Variants in SLC30A7 observed in about 807,000 individuals in gnomAD.
The protein encoded by SLC30A7 is zinc transporter 7.
Under a neutral mutation model 46.0 loss-of-function variants are expected in SLC30A7, and 35 were observed. The observed-to-expected ratio is 0.76, with a 90% confidence interval of 0.58 to 1.01. The LOEUF (loss-of-function observed/expected upper bound fraction) is 1.01, where lower values mean the gene tolerates loss of function less well. Ranked by LOEUF, SLC30A7 falls within the 50% of genes least tolerant of loss-of-function variation. SLC30A7 has a pLI of 0.00. For missense variants in SLC30A7, 464 were observed against 451.1 expected, an observed-to-expected ratio of 1.03 and a Z score of -0.26; for synonymous variants, 147 against 157.8, an observed-to-expected ratio of 0.93 and a Z score of 0.51.
chr1:100,897,460 C>G (rs891695670), intron 2 of SLC30A7, among the ~76,000 whole-genome samples: 3 of 152,144 alleles, frequency 2.0e-5, no homozygotes, highest in Admixed American at 1.3e-4. Context: ...CATACTCCTT[C>G]AAAAATCTGA....
chr1:100,912,244 A>G lies in SLC30A7; in HGVS notation c.511+6A>G, dbSNP rs372869511. ...TGGACATTCTCATGGCTCTGGTATG[A>G]TGGTTAGGACACTTTGTTTCTTCAT... On this transcript the variant is annotated splice_donor_region_variant and intron_variant, in intron 5 of 10. Transcript: ENST00000357650. The G allele has an allele frequency of 1.9e-5, 31 of 1,612,712 alleles. No individual in the cohort carries two copies. The African/African-American group carries it at 3.9e-4, about 20-fold the overall frequency.
chr1:100,896,353 C>T lies in SLC30A7; in HGVS notation c.80+11C>T. ...CTCGGGCTGGTTTAGGTGCGGGGTG[C>T]TGTGTTTGCGGGGAGGGGGTGTCCG... On this transcript the variant is annotated intron_variant, in intron 1 of 10. Coordinates refer to ENST00000357650, the MANE Select transcript of SLC30A7 (RefSeq NM_133496.5). 1.2e-6 allele frequency: 2 copies of T among 1,614,004 alleles called. No individual in the cohort carries two copies. The highest frequency in any genetic ancestry group is 1.1e-5 in the South Asian group (1 of 91,072).
intron 9 of SLC30A7, among the ~76,000 whole-genome samples, chr1:100,964,389 A>G (rs994107097): frequency 7.7e-5 from 10 of 129,944 alleles, no homozygotes; most frequent in Non-Finnish European, 1.1e-4. Context: ...ATGTTATATA[A>G]CCTATATATG....
chr1:100,941,779 A>T, intron 8 of SLC30A7: 1 of 617,690 alleles, frequency 1.6e-6, no homozygotes, highest in South Asian at 1.4e-5. Context: ...GGCATACGTG[A>T]CAAACCCAAA....
At chr1:100,974,684 T>G in intron 10 of SLC30A7, 126 bp from the exon 11 acceptor site, 1 of 635,710 alleles carries the variant, frequency 1.6e-6, no homozygotes, top group Non-Finnish European at 2.5e-6. Context: ...TATATTTGTT[T>G]CTGAAATGAT....
chr1:100,968,512 C>T (rs1194149318), intron 10 of SLC30A7, among the ~76,000 whole-genome samples: 1 of 151,444 alleles, frequency 6.6e-6, no homozygotes, highest in Non-Finnish European at 1.5e-5. Context: ...AAAATAAAAA[C>T]CTTGGTGGCG....
chr1:100,974,000 A>T (rs1002859810), intron 10 of SLC30A7, among the ~76,000 whole-genome samples: 14 of 152,320 alleles, frequency 9.2e-5, no homozygotes, highest in African/African-American at 3.4e-4. Flanking sequence ...GACAGCAAAT[A>T]TGGATAACTC....
downstream of SLC30A7, among the ~76,000 whole-genome samples, chr1:100,986,315 A>G (rs1423564093): frequency 6.6e-6 from 1 of 152,012 alleles, no homozygotes; most frequent in Non-Finnish European, 1.5e-5. Flanking sequence ...AGGCTGAGAC[A>G]TGAGAATAGC....
chr1:100,961,875 C>T lies in SLC30A7; in HGVS notation c.890C>T (p.Thr297Ile). The T allele has an allele frequency of 1.2e-6, 2 of 1,608,230 alleles. No individual in the cohort carries two copies. The highest frequency in any genetic ancestry group is 1.7e-6 in the Non-Finnish European group (2 of 1,176,224). ...RESVGILMQR[T>I]PPLLENSLPQ... ...TCTGTTGGAATATTAATGCAGAGAA[C>T]TCCTCCCCTATTAGAAAATAGTCTG... is the stretch of plus-strand genomic sequence containing the variant. The change falls in exon 9 of 11, where the codon ACT becomes ATT. Residue 297 changes from threonine (T) to isoleucine (I), a missense_variant. Coordinates refer to ENST00000357650, the MANE Select transcript of SLC30A7 (RefSeq NM_133496.5).
In SLC30A7 at chr1:100,906,943, GATA is replaced by G. The variant is rs752613596; in HGVS notation, c.277_279del (p.Asn93del). 1.2e-5 allele frequency: 20 copies of G among 1,609,858 alleles called. No individual in the cohort carries two copies. Among genetic ancestry groups the G allele is most frequent in the Non-Finnish European group, 1.4e-5 (17 of 1,176,410 alleles). On this transcript the variant is annotated inframe_deletion, in exon 3 of 11. Transcript: ENST00000357650. ...AGCTTCTGTTATTTCAAAATGGAGA[GATA>G]ATGATGCTTTCTCCTATGGGTAAGA...
At chr1:100,923,200 T>G (rs1030624350) in intron 8 of SLC30A7, among the ~76,000 whole-genome samples, 3 of 137,260 alleles carry the variant, frequency 2.2e-5, no homozygotes, top group African/African-American at 8.2e-5. Context: ...GTATTTTTAG[T>G]AGAGACGGGG....
At chr1:100,933,080 A>T (rs1570549849) in intron 8 of SLC30A7, among the ~76,000 whole-genome samples, 1 of 143,858 alleles carries the variant, frequency 7.0e-6, no homozygotes, top group African/African-American at 2.6e-5. Context: ...GGTTCAGGGG[A>T]TTCTCCTGCC....
At chr1:100,921,012 T>C (rs1652899571) in intron 7 of SLC30A7, among the ~76,000 whole-genome samples, 1 of 152,120 alleles carries the variant, frequency 6.6e-6, no homozygotes, top group Non-Finnish European at 1.5e-5. Flanking sequence ...CTGGGCAACT[T>C]TGACTTACTA....
At chr1:100,985,097 A>T (rs1657191012), downstream of SLC30A7, among the ~76,000 whole-genome samples, 1 of 152,248 alleles carries the variant, frequency 6.6e-6, no homozygotes, top group South Asian at 2.1e-4. Flanking sequence ...ATGAATTCAT[A>T]GATGGATAAA....
intron 6 of SLC30A7, among the ~76,000 whole-genome samples, chr1:100,915,193 T>TTTCTTTC (rs1436015312): frequency 4.6e-4 from 42 of 90,858 alleles, no homozygotes; most frequent in South Asian, 1.2e-3. Flanking sequence ...CTTTTCTTTC[T>TTTCTTTC]TTTCTTTCTT....
chr1:100,953,352 T>G (rs1053747328), intron 8 of SLC30A7, among the ~76,000 whole-genome samples: 1 of 152,216 alleles, frequency 6.6e-6, no homozygotes, highest in Non-Finnish European at 1.5e-5. Flanking sequence ...AGAGATTAAT[T>G]AGCATTTTGG....
the SLC30A7 span, chr1:100,990,370 G>A: frequency 6.3e-7 from 1 of 1,588,004 alleles, no homozygotes; most frequent in South Asian, 1.1e-5. Context: ...ATCCATATAT[G>A]GCTGAAATTT....
chr1:100,927,229 A>G (rs1281674705), intron 8 of SLC30A7, among the ~76,000 whole-genome samples: 1 of 152,140 alleles, frequency 6.6e-6, no homozygotes, highest in Non-Finnish European at 1.5e-5. Context: ...TCTGAGACCG[A>G]GTATTGATAG....
the SLC30A7 span, among the ~76,000 whole-genome samples, chr1:100,992,972 A>G: frequency 1.3e-5 from 2 of 152,210 alleles, no homozygotes; most frequent in African/African-American, 4.8e-5. Flanking sequence ...TGATGGCAGG[A>G]ACACATAAAG....
Sources: gnomAD v4.1 joint callset for allele counts (sites outside exome capture counted in the v4.1 genomes callset) on GRCh38, gnomAD v4.1.1 for gene constraint, MANE v1.5 for transcripts, NCBI Gene and HGNC (gene_info 2026-07-23, HGNC 2026-07-21) for gene names.